Variants in REV3L observed in about 807,000 individuals in gnomAD.
REV3L encodes REV3 like, DNA directed polymerase zeta catalytic subunit, also known as DNA polymerase zeta catalytic subunit.
Under a neutral mutation model 299.4 loss-of-function variants are expected in REV3L, and 69 were observed. That is an observed-to-expected ratio of 0.23 (90% CI 0.19 to 0.28). The LOEUF (loss-of-function observed/expected upper bound fraction) is 0.28. Ranked by LOEUF, REV3L falls within the 10% of genes least tolerant of loss-of-function variation. The pLI, the probability that REV3L is intolerant of heterozygous loss-of-function variation, is 1.00. For synonymous variants in REV3L, 1,238 were observed against 1,271.4 expected (o/e 0.97, Z 0.56); for missense variants, 3,128 against 3,693.8 (o/e 0.85, Z 3.97).
At chr6:111,447,830 T>C (rs1480532979) in intron 1 of REV3L, among the ~76,000 whole-genome samples, 5 of 152,262 alleles carry the variant, frequency 3.3e-5, no homozygotes, top group African/African-American at 7.2e-5. Context: ...TATATGTTTA[T>C]TGATGAATCA....
chr6:111,432,533 C>T (rs1351068078), intron 1 of REV3L, among the ~76,000 whole-genome samples: 1 of 152,142 alleles, frequency 6.6e-6, no homozygotes, highest in Non-Finnish European at 1.5e-5. Context: ...GCATGCAACA[C>T]CAGAGCATCT....
In REV3L at chr6:111,482,924, G is replaced by T; in HGVS notation, c.-36C>A. On this transcript the variant is annotated 5_prime_UTR_variant, in exon 1 of 32. Transcript: ENST00000368802. ...GCCGCCACTGCCTCCCTTCACTGGC[G>T]ACCCGGCAGCGGCAGCAGCAGCGGC... 2 of 1,491,804 alleles carry T rather than the reference G, an allele frequency of 1.3e-6. No homozygotes were observed. The highest frequency in any genetic ancestry group is 1.4e-5 in the South Asian group (1 of 73,314). The allele number at this position is 1,491,804 out of a possible 1,614,324, so 92.4% of individuals were successfully genotyped here. A position where few individuals can be genotyped will look rare whatever the true frequency, so the allele number is the denominator to read the frequency against.
At chr6:111,470,912 G>A (rs1168110847) in intron 1 of REV3L, among the ~76,000 whole-genome samples, 1 of 152,090 alleles carries the variant, frequency 6.6e-6, no homozygotes, top group African/African-American at 2.4e-5. Context: ...CTCGGGAGGT[G>A]GAGGTTGCAC....
In REV3L at chr6:111,367,929, T is replaced by G. The variant is rs755399681; in HGVS notation, c.5859A>C (p.Lys1953Asn). The G allele has an allele frequency of 5.6e-6, 9 of 1,614,006 alleles. No homozygotes were observed. The African/African-American group carries it at 1.1e-4, about 19-fold the overall frequency. Residue 1953 changes from lysine to asparagine, a missense_variant, in exon 14 of 32, where the codon AAA becomes AAC. By Grantham distance (94) the Lys-to-Asn change is moderately conservative. Around this residue, in one of 9 missense-constraint regions of REV3L, gnomAD observed 2,409 missense variants for 2,611.8 expected, o/e 0.92. Coordinates refer to ENST00000368802, the MANE Select transcript of REV3L (RefSeq NM_001372078.1). Reference sequence around the variant, plus strand: ...TCTGAGTCATTGCTGAGAATGCTGTTTTCCAAAGACGAAGTCCTTCCAAGG... The same window carrying G: ...TCTGAGTCATTGCTGAGAATGCTGTGTTCCAAAGACGAAGTCCTTCCAAGG... ...DFSLEGLRLW[K>N]TAFSAMTQNP...
At chr6:111,335,310 A>G (rs1287276608) in intron 22 of REV3L, among the ~76,000 whole-genome samples, 159 bp downstream of exon 22, 1 of 152,244 alleles carries the variant, frequency 6.6e-6, no homozygotes, top group African/African-American at 2.4e-5. Context: ...GTGGCCGGAA[A>G]GTTGGCATAG....
intron 4 of REV3L, among the ~76,000 whole-genome samples, chr6:111,397,988 TGA>T (rs1311603342): frequency 6.7e-6 from 1 of 150,050 alleles, no homozygotes; most frequent in Non-Finnish European, 1.5e-5. Flanking sequence ...TGCCTAATGC[TGA>T]GAGTGGGGTG....
intron 10 of REV3L, 54 bp downstream of exon 10, chr6:111,381,271 A>G (rs1780802739): frequency 6.3e-7 from 1 of 1,590,926 alleles, no homozygotes. Context: ...TCTTCACAAC[A>G]CACATTTTCT....
intron 4 of REV3L, among the ~76,000 whole-genome samples, chr6:111,398,494 A>G (rs758685836): frequency 2.6e-5 from 4 of 152,190 alleles, no homozygotes; most frequent in Non-Finnish European, 4.4e-5. Flanking sequence ...TACAGTAATT[A>G]GCATCATTTC....
At position 111,299,408 on chromosome 6, in the gene REV3L, A is replaced by AT. The variant is rs1562466859; in HGVS notation, c.*607_*608insA. The stretch of plus-strand genomic sequence containing the variant: ...AAAGCAAGACAGCATTTTTTAAAAA[A>AT]AAATAATGTTTCAAAATGCTACACG... On this transcript the variant is annotated 3_prime_UTR_variant, in exon 32 of 32. Coordinates refer to ENST00000368802, the MANE Select transcript of REV3L (RefSeq NM_001372078.1). The AT allele has an allele frequency of 2.8e-4, 42 of 152,590 alleles. No individual in the cohort carries two copies. Among genetic ancestry groups the AT allele is most frequent in the African/African-American group, 8.9e-4 (37 of 41,576 alleles). 9.5% of individuals were successfully genotyped at this position (152,590 alleles called of 1,614,324 possible). A position where few individuals can be genotyped will look rare whatever the true frequency, so the allele number is the denominator to read the frequency against.
rs939445505 is a variant in REV3L at position 111,374,893 on chromosome 6, A to G, written c.3462T>C (p.Asn1154=). Residue 1154 remains asparagine, a synonymous_variant, in exon 13 of 32, where the codon AAT becomes AAC. Transcript: ENST00000368802. ...GAGAATTAACAGTCTTCTTATATAC[A>G]TTAGGACCCTTAAAAAGCATTGCCT... ...EKEAMLFKGP[N]VYKKTVNSRI... 6.8e-6 allele frequency: 11 copies of G among 1,613,672 alleles called. No individual in the cohort carries two copies. The highest frequency in any genetic ancestry group is 2.2e-5 in the South Asian group (2 of 90,984).
chr6:111,479,715 C>T (rs1480987390), intron 1 of REV3L, among the ~76,000 whole-genome samples: 1 of 151,962 alleles, frequency 6.6e-6, no homozygotes. Context: ...CAGACTATGT[C>T]GCCCAGGCTG....
In REV3L at chr6:111,382,045, C is replaced by A. The variant is rs182694682; in HGVS notation, c.1097-601G>T. Among the ~76,000 whole-genome samples, 461 of 152,166 alleles carry A rather than the reference C, an allele frequency of 3.0e-3. 3 individuals are homozygous for A. The highest frequency in any genetic ancestry group is 0.011 in the African/African-American group (444 of 41,528). Reference sequence around the variant, plus strand: ...ATAGTTTTTAAGTGCTATAAAAATACAAAGAAATGGTTAAGCAATTAAAAA... The same window carrying A: ...ATAGTTTTTAAGTGCTATAAAAATAAAAAGAAATGGTTAAGCAATTAAAAA... On this transcript the variant is annotated intron_variant, in intron 9 of 31. Coordinates refer to ENST00000368802, the MANE Select transcript of REV3L (RefSeq NM_001372078.1).
At position 111,343,989 on chromosome 6, in the gene REV3L, G is replaced by A. The variant is rs1776786839; in HGVS notation, c.7474C>T (p.Arg2492Cys). 1.2e-6 allele frequency: 2 copies of A among 1,613,138 alleles called. No individual in the cohort carries two copies. Among genetic ancestry groups the A allele is most frequent in the South Asian group, 1.1e-5 (1 of 90,900 alleles). The change falls in exon 21 of 32, where the codon CGT becomes TGT. Residue 2492 changes from arginine to cysteine, a missense_variant. Around this residue, in one of 9 missense-constraint regions of REV3L, gnomAD observed 149 missense variants for 286.4 expected, o/e 0.52. Transcript: ENST00000368802. ...ENVSFHVLHQ[R>C]FPLFTFRVLS... ...ACTCGAAAGGTAAAGAGGGGAAAAC[G>A]CTGATGAAGAACATGAAAGCTCACA...
intron 31 of REV3L, 131 bp from the exon 32 acceptor site, chr6:111,300,287 ATTAATT>A (rs1380445842): frequency 4.9e-6 from 3 of 615,590 alleles, no homozygotes; most frequent in African/African-American, 1.9e-5. Context: ...AGAAACTTTC[ATTAATT>A]TTAATCTCTT....
chr6:111,377,854 T>C lies in REV3L; in HGVS notation c.1455-11A>G, dbSNP rs1195610687. 1 of 1,601,608 alleles carries C rather than the reference T, an allele frequency of 6.2e-7. No homozygotes were observed. On this transcript the variant is annotated splice_polypyrimidine_tract_variant and intron_variant, in intron 11 of 31. Coordinates refer to ENST00000368802, the MANE Select transcript of REV3L (RefSeq NM_001372078.1). ...TTTCTGCACAGTGATCTGGAGAACA[T>C]TAAAATTCACTGGTGAGCATGATCA...
intron 1 of REV3L, among the ~76,000 whole-genome samples, chr6:111,457,977 A>G (rs117299389): frequency 0.014 from 2,090 of 152,190 alleles, 14 homozygotes; most frequent in Middle Eastern, 0.02. Flanking sequence ...AAATGAACAA[A>G]GGACATTATA....
At chr6:111,345,259 A>G (rs1023981760) in intron 20 of REV3L, among the ~76,000 whole-genome samples, 1 of 152,252 alleles carries the variant, frequency 6.6e-6, no homozygotes, top group East Asian at 1.9e-4. Flanking sequence ...AGAAGAGGGA[A>G]GATATGGGGA....
chr6:111,387,954 C>G (rs376034143), intron 8 of REV3L, 41 bp from the exon 9 acceptor site: 98 of 1,607,136 alleles, frequency 6.1e-5, no homozygotes, highest in Non-Finnish European at 8.1e-5. Flanking sequence ...GACTACATAA[C>G]AAAGGAATAA....
At chr6:111,409,659 G>A (rs965733900) in intron 3 of REV3L, among the ~76,000 whole-genome samples, 1 of 152,112 alleles carries the variant, frequency 6.6e-6, no homozygotes, top group African/African-American at 2.4e-5. Flanking sequence ...CCTGAGTAGA[G>A]GATAGAGAAT....
Sources: allele counts gnomAD v4.1 joint callset (sites outside exome capture counted in the v4.1 genomes callset), GRCh38; gene constraint gnomAD v4.1.1; regional missense constraint gnomAD v4.1.1; transcripts MANE v1.5; gene names NCBI Gene and HGNC (gene_info 2026-07-23, HGNC 2026-07-21).